The following SLC38A3 variants were observed in gnomAD, a reference collection of about 807,000 sequenced individuals.
The protein encoded by SLC38A3 is solute carrier family 38 member 3.
In SLC38A3, 17 loss-of-function variants were observed where a neutral mutation model predicts 59.5. The observed-to-expected ratio is 0.29, with a 90% CI of 0.20 to 0.43. The LOEUF is 0.43. Among genes scored for constraint, SLC38A3 ranks in the 20% least tolerant of loss-of-function variants. SLC38A3 has a pLI of 1.00. For missense variants in SLC38A3, 454 were observed against 653.9 expected, an observed-to-expected ratio of 0.69 and a Z score of 3.33; for synonymous variants, 238 against 260.3, an observed-to-expected ratio of 0.91 and a Z score of 0.82.
In SLC38A3 at chr3:50,218,270, C is replaced by A; in HGVS notation, c.936C>A (p.Asp312Glu). 2 of 1,587,784 alleles carry A rather than the reference C, an allele frequency of 1.3e-6. No individual in the cohort carries two copies. Among genetic ancestry groups the A allele is most frequent in the South Asian group, 2.2e-5 (2 of 90,556 alleles). Residue 312 changes from aspartate (D) to glutamate (E), a missense_variant and splice_region_variant, in exon 12 of 16, where the codon GAC (aspartate) becomes GAA (glutamate). Physicochemically the swap from Asp to Glu is conservative, Grantham distance 45. This residue lies in a region of SLC38A3 where 390 missense variants were observed against 557.9 expected (regional missense o/e 0.70). Coordinates refer to ENST00000614032, the MANE Select transcript of SLC38A3 (RefSeq NM_006841.6). The surrounding 1 kb of genome is among the most constrained non-coding windows in gnomAD (Gnocchi z 5.8). ...EVLPIYTELK[D>E]PSKKKMQHIS... ...CACCCACCCCCCCACTTCCCCACAG[C>A]CCCTCCAAGAAGAAGATGCAGCACA...
At chr3:50,206,896 G>A (rs1472035688) in intron 1 of SLC38A3, among the ~76,000 whole-genome samples, 1 of 152,208 alleles carries the variant, frequency 6.6e-6, no homozygotes, top group African/African-American at 2.4e-5. Context: ...CATGACAACT[G>A]GTTGCTCCTG....
Position 50,217,092 on chromosome 3 carries a change from A to T in SLC38A3, c.549-146A>T. The T allele has an allele frequency of 1.5e-6, 1 of 650,084 alleles. No individual in the cohort carries two copies. The highest frequency in any genetic ancestry group is 2.8e-6 in the Non-Finnish European group (1 of 359,686). The allele number at this position is 650,084 out of a possible 1,614,324, so 40.3% of individuals were successfully genotyped here. The stretch of plus-strand genomic sequence containing the variant: ...CCAGCTGGGCATGCCCATTTTGCAG[A>T]TGGGGAAAGTGAGACTCAGAGCTGT... On this transcript the variant is annotated intron_variant, in intron 7 of 15. Coordinates refer to ENST00000614032, the MANE Select transcript of SLC38A3 (RefSeq NM_006841.6). The surrounding 1 kb of genome is among the most constrained non-coding windows in gnomAD (Gnocchi z 4.9).
chr3:50,211,521 T>G (rs58648044), intron 1 of SLC38A3, among the ~76,000 whole-genome samples: 61,103 of 102,516 alleles, frequency 0.6, 13,451 homozygotes, highest in East Asian at 0.69. Flanking sequence ...GGAATTTTAG[T>G]ACTGGCTTCG....
At chr3:50,211,552 C>T (rs1171764434) in intron 1 of SLC38A3, among the ~76,000 whole-genome samples, 1 of 145,218 alleles carries the variant, frequency 6.9e-6, no homozygotes, top group Non-Finnish European at 1.5e-5. Context: ...AGGAAGTCTT[C>T]CTTGATGCCC....
chr3:50,209,644 G>A lies in SLC38A3; in HGVS notation c.-52+4296G>A, dbSNP rs1210674081. 3.4e-5 allele frequency among the ~76,000 whole-genome samples: 5 copies of A among 145,192 alleles called. No individual in the cohort carries two copies. In the East Asian group the frequency reaches 5.9e-4, roughly 17 times the overall value. On this transcript the variant is annotated intron_variant, in intron 1 of 15. Transcript: ENST00000614032. ...AGCCTGGGTGACAGAGCAAGACTCC[G>A]TCTCAAAAAAAAAAAACAAGAAAAA...
intron 1 of SLC38A3, among the ~76,000 whole-genome samples, chr3:50,210,823 T>C (rs1699715603): frequency 6.6e-6 from 1 of 152,148 alleles, no homozygotes; most frequent in Non-Finnish European, 1.5e-5. Flanking sequence ...ATTGATTTAC[T>C]GCCCGGGTTC....
rs956396246 is a variant in SLC38A3, at chr3:50,215,211, G to T, written c.300-175G>T. On this transcript the variant is annotated intron_variant, in intron 4 of 15. Coordinates refer to ENST00000614032, the MANE Select transcript of SLC38A3 (RefSeq NM_006841.6). This position sits in a 1 kb window ranked among gnomAD's most constrained non-coding sequence, Gnocchi z 7.1. Reference sequence around the variant, plus strand: ...GGGTGTGTCGCACCCTGGATCAAAGGGGGTGGTGTTCATCACCCCTGGGGC... The same window carrying T: ...GGGTGTGTCGCACCCTGGATCAAAGTGGGTGGTGTTCATCACCCCTGGGGC... 8 of 621,156 alleles carry T rather than the reference G, an allele frequency of 1.3e-5. No homozygotes were observed. The highest frequency in any genetic ancestry group is 9.6e-5 in the South Asian group (5 of 51,932). 38.5% of individuals were successfully genotyped at this position (621,156 alleles called of 1,614,324 possible). A position where few individuals can be genotyped will look rare whatever the true frequency, so the allele number is the denominator to read the frequency against.
chr3:50,212,650 C>T (rs113841499), intron 1 of SLC38A3, among the ~76,000 whole-genome samples: 57 of 151,996 alleles, frequency 3.8e-4, no homozygotes, highest in Middle Eastern at 6.8e-3. Context: ...CCTGGGGCTG[C>T]CTGGGGCAGT....
chr3:50,216,445 G>C (rs587643458), intron 7 of SLC38A3, among the ~76,000 whole-genome samples: 126 of 152,326 alleles, frequency 8.3e-4, no homozygotes, highest in Non-Finnish European at 1.4e-3. Context: ...TTGTTTCTCT[G>C]TGCCCCGTAT....
At position 50,218,667 on chromosome 3, in the gene SLC38A3, G is replaced by A. The variant is rs1283005538; in HGVS notation, c.1111G>A (p.Val371Met). 5.0e-6 allele frequency: 8 copies of A among 1,613,502 alleles called. No homozygotes were observed. The highest frequency in any genetic ancestry group is 6.8e-6 in the Non-Finnish European group (8 of 1,179,540). ...PFDVLILCVR[V>M]AVLTAVTLTV... ...TGACGTCCTGATCCTGTGTGTGCGC[G>A]TGGCCGTGCTGACAGCAGTCACGCT... Residue 371 changes from valine (V) to methionine (M), a missense_variant, in exon 13 of 16, where the codon GTG becomes ATG. This residue lies in a region of SLC38A3 where 390 missense variants were observed against 557.9 expected (regional missense o/e 0.70). Coordinates refer to ENST00000614032, the MANE Select transcript of SLC38A3 (RefSeq NM_006841.6). The surrounding 1 kb of genome is among the most constrained non-coding windows in gnomAD (Gnocchi z 5.8).
intron 1 of SLC38A3, among the ~76,000 whole-genome samples, chr3:50,212,114 C>T (rs1699740289): frequency 6.6e-6 from 1 of 152,222 alleles, no homozygotes; most frequent in Non-Finnish European, 1.5e-5. Context: ...AGGTCTAGGC[C>T]CAGCTACTGC....
intron 14 of SLC38A3, among the ~76,000 whole-genome samples, chr3:50,219,575 A>G (rs1400807332): frequency 6.6e-6 from 1 of 152,238 alleles, no homozygotes; most frequent in African/African-American, 2.4e-5. Context: ...GAAGCCTTCA[A>G]GTATAGCTGC....
chr3:50,206,811 CTTG>C (rs1699653595), intron 1 of SLC38A3, among the ~76,000 whole-genome samples: 1 of 152,244 alleles, frequency 6.6e-6, no homozygotes, highest in South Asian at 2.1e-4. Flanking sequence ...CAAGCCACTC[CTTG>C]TTGTGTGCTG....
At chr3:50,209,199 G>A (rs1051904325) in intron 1 of SLC38A3, among the ~76,000 whole-genome samples, 4 of 152,216 alleles carry the variant, frequency 2.6e-5, no homozygotes, top group African/African-American at 9.6e-5. Context: ...AATGGGTGAG[G>A]TGGGGGCTGC....
chr3:50,212,971 TCTC>T (rs966343346), intron 1 of SLC38A3, among the ~76,000 whole-genome samples: 2 of 151,976 alleles, frequency 1.3e-5, no homozygotes, highest in African/African-American at 4.8e-5. Context: ...TGGCCTCAGC[TCTC>T]CTCCTGGCCA....
At position 50,220,200 on chromosome 3, in the gene SLC38A3, C is replaced by T. The variant is rs587752181; in HGVS notation, c.*23C>T. The T allele has an allele frequency of 1.2e-5, 18 of 1,532,978 alleles. No homozygotes were observed. In the East Asian group the frequency reaches 3.1e-4, roughly 27 times the overall value. The allele number at this position is 1,532,978 out of a possible 1,614,324, so 95.0% of individuals were successfully genotyped here. Reference sequence around the variant, plus strand: ...TAGGGTGACCCTCATCCTGTTCTGTCTACTCACCCTAGCAGCCCTGCCCAG... The same window carrying T: ...TAGGGTGACCCTCATCCTGTTCTGTTTACTCACCCTAGCAGCCCTGCCCAG... On this transcript the variant is annotated 3_prime_UTR_variant, in exon 16 of 16. Transcript: ENST00000614032.
At chr3:50,211,178 C>G (rs936841456) in intron 1 of SLC38A3, among the ~76,000 whole-genome samples, 1 of 152,190 alleles carries the variant, frequency 6.6e-6, no homozygotes, top group Non-Finnish European at 1.5e-5. Flanking sequence ...ACCCCGATTC[C>G]GATTCCCGGA....
At chr3:50,219,473 G>T (rs762518622) in intron 14 of SLC38A3, among the ~76,000 whole-genome samples, 3 of 152,196 alleles carry the variant, frequency 2.0e-5, no homozygotes, top group Non-Finnish European at 2.9e-5. Context: ...TGAGTGTCAT[G>T]GATATCACGG....
In SLC38A3 at chr3:50,217,351, G is replaced by A. The variant is rs1260589031; in HGVS notation, c.631+31G>A. 5 of 1,611,298 alleles carry A rather than the reference G, an allele frequency of 3.1e-6. No individual in the cohort carries two copies. The highest frequency in any genetic ancestry group is 4.2e-6 in the Non-Finnish European group (5 of 1,178,360). The stretch of plus-strand genomic sequence containing the variant: ...TGTGGAAGGGTCAGAGCCTTGGAGG[G>A]GATGTTGGAGGCATACACCATGGGA... On this transcript the variant is annotated intron_variant, in intron 8 of 15. Transcript: ENST00000614032. This position sits in a 1 kb window ranked among gnomAD's most constrained non-coding sequence, Gnocchi z 4.9.
Sources: gnomAD v4.1 joint callset for allele counts (sites outside exome capture counted in the v4.1 genomes callset) on GRCh38, gnomAD v4.1.1 for gene constraint, gnomAD v4.1.1 regional missense constraint, Gnocchi (gnomAD v3.1) non-coding constraint, MANE v1.5 for transcripts, NCBI Gene and HGNC (gene_info 2026-07-23, HGNC 2026-07-21) for gene names.